The following SCOC variants were observed in gnomAD, a reference collection of about 807,000 sequenced individuals.
SCOC encodes short coiled coil protein.
In SCOC, 7 loss-of-function variants were observed where a neutral mutation model predicts 9.9. That is an observed-to-expected ratio of 0.71 (90% CI 0.40 to 1.33). The LOEUF is 1.33. Among genes scored for constraint, SCOC ranks in the 40% most tolerant of loss-of-function variants. SCOC has a pLI of 0.01. For synonymous variants in SCOC, 19 were observed against 28.2 expected (o/e 0.67, Z 1.03); for missense variants, 66 against 89.7 (o/e 0.74, Z 1.07).
At chr4:140,272,034 G>A (rs1219224244) in intron 1 of SCOC, among the ~76,000 whole-genome samples, 4 of 151,126 alleles carry the variant, frequency 2.6e-5, no homozygotes, top group African/African-American at 9.8e-5. Context: ...CTTCTGTGGC[G>A]GGAGTCACAC....
upstream of SCOC, among the ~76,000 whole-genome samples, chr4:140,341,356 T>C (rs1454139705): frequency 1.3e-5 from 2 of 152,186 alleles, no homozygotes; most frequent in African/African-American, 4.8e-5. Context: ...GATAATAGAA[T>C]GGTTAAGAGC....
intron 1 of SCOC, among the ~76,000 whole-genome samples, chr4:140,292,055 C>T (rs1731490174): frequency 6.6e-6 from 1 of 152,070 alleles, no homozygotes; most frequent in African/African-American, 2.4e-5. Flanking sequence ...CCCTCTGCCT[C>T]CTGCTCCTCT....
At chr4:140,352,770 A>C (rs372196433) in intron 2 of SCOC, among the ~76,000 whole-genome samples, 1 of 152,326 alleles carries the variant, frequency 6.6e-6, no homozygotes, top group Non-Finnish European at 1.5e-5. Flanking sequence ...GACAAAAAAC[A>C]TCCATTGGTT....
upstream of SCOC, among the ~76,000 whole-genome samples, chr4:140,339,780 T>C (rs1234753367): frequency 1.3e-5 from 2 of 152,134 alleles, no homozygotes; most frequent in Admixed American, 6.5e-5. Flanking sequence ...AGAATGGCGA[T>C]CATTAAAAAG....
chr4:140,348,027 A>G (rs1469340444), intron 2 of SCOC, among the ~76,000 whole-genome samples: 2 of 152,068 alleles, frequency 1.3e-5, no homozygotes, highest in Admixed American at 6.5e-5. Flanking sequence ...TAAAAATTGT[A>G]TATGTTTATG....
chr4:140,374,092 C>G (rs763163226), intron 1 of SCOC: 1 of 477,664 alleles, frequency 2.1e-6, no homozygotes. Context: ...GGACCTGGCA[C>G]GCCTGGACCT....
intron 1 of SCOC, among the ~76,000 whole-genome samples, chr4:140,259,889 A>C (rs1319653198): frequency 6.6e-6 from 1 of 152,158 alleles, no homozygotes; most frequent in Non-Finnish European, 1.5e-5. Context: ...TACTCGTGTC[A>C]AATGGGTTTA....
chr4:140,262,008 T>G (rs1257178030), intron 1 of SCOC, among the ~76,000 whole-genome samples: 2 of 152,244 alleles, frequency 1.3e-5, no homozygotes, highest in Admixed American at 1.3e-4. Context: ...TCTTTTCTTA[T>G]TAGACCTCAA....
At chr4:140,314,886 G>A (rs998064430) in intron 1 of SCOC, among the ~76,000 whole-genome samples, 2 of 152,154 alleles carry the variant, frequency 1.3e-5, no homozygotes, top group African/African-American at 4.8e-5. Context: ...TCCACAAGGT[G>A]TGGTTGTGTG....
intron 1 of SCOC, among the ~76,000 whole-genome samples, chr4:140,327,973 G>A (rs1045449760): frequency 6.6e-5 from 10 of 152,070 alleles, no homozygotes; most frequent in African/African-American, 1.7e-4. Flanking sequence ...TGCCTCCAAC[G>A]CCACACTTGA....
intron 1 of SCOC, chr4:140,293,365 T>A: frequency 4.4e-6 from 2 of 456,878 alleles, no homozygotes; most frequent in Non-Finnish European, 8.8e-6. Context: ...GTGTCTTGTG[T>A]CTTCTGAGCA....
At chr4:140,259,803 C>T (rs7692308) in intron 1 of SCOC, among the ~76,000 whole-genome samples, 5,054 of 152,304 alleles carry the variant, frequency 0.033, 105 homozygotes, top group Middle Eastern at 0.058. Context: ...AAGTTCTCAT[C>T]GTATAGCATT....
chr4:140,353,563 AC>A lies in SCOC; in HGVS notation c.70+9857del, dbSNP rs1446820164. On this transcript the variant is annotated intron_variant, in intron 2 of 4. Transcript: ENST00000338517. ...GTAGCTGGGATTATGGGTGCACGCC[AC>A]CACGCCCGGCTAATTTTTTTGTATT... is the stretch of plus-strand genomic sequence containing the variant. Among the ~76,000 whole-genome samples, 9 of 152,166 alleles carry A rather than the reference AC, an allele frequency of 5.9e-5. No individual in the cohort carries two copies. In the East Asian group the frequency reaches 1.7e-3, roughly 29 times the overall value.
chr4:140,317,413 T>C (rs912451254), intron 1 of SCOC, among the ~76,000 whole-genome samples: 1 of 152,182 alleles, frequency 6.6e-6, no homozygotes, highest in Non-Finnish European at 1.5e-5. Context: ...TGGAAAAGCA[T>C]TGTGAAAATC....
chr4:140,348,245 A>G (rs1336821670), intron 2 of SCOC, among the ~76,000 whole-genome samples: 1 of 152,106 alleles, frequency 6.6e-6, no homozygotes, highest in African/African-American at 2.4e-5. Context: ...TGTACAAAAG[A>G]TCTCTTAAAT....
intron 2 of SCOC, among the ~76,000 whole-genome samples, chr4:140,361,506 A>G (rs1203827066): frequency 6.6e-6 from 1 of 152,060 alleles, no homozygotes; most frequent in Non-Finnish European, 1.5e-5. Flanking sequence ...TCTACAAGAA[A>G]TAAGATTAGC....
intron 1 of SCOC, chr4:140,314,112 TAAA>T (rs369473232): frequency 1.2e-4 from 17 of 141,654 alleles, no homozygotes; most frequent in South Asian, 5.9e-4. Context: ...AGACCCTGTT[TAAA>T]AAAAAAAAAA....
At chr4:140,348,270 G>C (rs1056631454) in intron 2 of SCOC, among the ~76,000 whole-genome samples, 1 of 151,876 alleles carries the variant, frequency 6.6e-6, no homozygotes, top group Non-Finnish European at 1.5e-5. Flanking sequence ...TCATCTTGTC[G>C]AATTGAAATT....
In SCOC at chr4:140,362,295, T is replaced by C. The variant is rs1312368122; in HGVS notation, c.71-16826T>C. On this transcript the variant is annotated intron_variant, in intron 2 of 4. Coordinates refer to the SCOC transcript ENST00000338517. ...TGTCCTTACTTCTTCTTCTTCTTCT[T>C]CTTCTTTTTTTTTTTTTTTTGTGAG... 4.5e-3 allele frequency among the ~76,000 whole-genome samples: 115 copies of C among 25,590 alleles called. 3 individuals carry two copies. Among genetic ancestry groups the C allele is most frequent in the Admixed American group, 7.7e-3 (19 of 2,468 alleles). 16.8% of individuals were successfully genotyped at this position (25,590 alleles called of 152,430 possible).
Sources: allele counts gnomAD v4.1 joint callset (sites outside exome capture counted in the v4.1 genomes callset), GRCh38; gene constraint gnomAD v4.1.1; transcripts MANE v1.5; gene names NCBI Gene and HGNC (gene_info 2026-07-23, HGNC 2026-07-21).